GRIN2A: variants seen among roughly 807,000 people sequenced by gnomAD.
GRIN2A encodes the protein glutamate ionotropic receptor NMDA type subunit 2A.
In GRIN2A, 22 loss-of-function variants were observed where a neutral mutation model predicts 113.4. That is an observed-to-expected ratio of 0.19 (90% CI 0.14 to 0.28). The LOEUF (loss-of-function observed/expected upper bound fraction) is 0.28. Among genes scored for constraint, GRIN2A ranks in the 10% least tolerant of loss-of-function variants. The probability of loss-of-function intolerance (pLI) is 1.00; values close to 1 mark genes in which losing one functional copy is unlikely to be tolerated. For synonymous variants in GRIN2A, 827 were observed against 738.4 expected (o/e 1.12, Z -1.94); for missense variants, 1,502 against 1,887.0 (o/e 0.80, Z 3.78).
At chr16:10,064,038 C>G (rs966188899) in intron 2 of GRIN2A, among the ~76,000 whole-genome samples, 3 of 152,114 alleles carry the variant, frequency 2.0e-5, no homozygotes, top group African/African-American at 7.2e-5. Context: ...CTGCTTTATT[C>G]GAATCATACT....
intron 11 of GRIN2A, among the ~76,000 whole-genome samples, chr16:9,796,620 TC>T (rs765231731): frequency 5.1e-4 from 78 of 152,320 alleles, no homozygotes; most frequent in Non-Finnish European, 1.0e-3. Context: ...AGCTAGGCGT[TC>T]CTTTCTGTGC....
intron 2 of GRIN2A, among the ~76,000 whole-genome samples, chr16:10,113,359 C>T (rs2142154941): frequency 6.6e-6 from 1 of 152,294 alleles, no homozygotes; most frequent in South Asian, 2.1e-4. Context: ...GGTCTCTGCC[C>T]CCTTCCCCGG....
At chr16:10,158,166 G>A (rs191664170) in intron 2 of GRIN2A, among the ~76,000 whole-genome samples, 4 of 152,016 alleles carry the variant, frequency 2.6e-5, no homozygotes, top group South Asian at 4.2e-4. Context: ...CAACACACCC[G>A]GCTAATTTTC....
At chr16:10,130,814 A>G (rs990708724) in intron 2 of GRIN2A, among the ~76,000 whole-genome samples, 1 of 152,216 alleles carries the variant, frequency 6.6e-6, no homozygotes, top group African/African-American at 2.4e-5. Context: ...GCAGGTCCCC[A>G]GGAAAGTAAA....
At chr16:10,076,720 A>C (rs187748955) in intron 2 of GRIN2A, among the ~76,000 whole-genome samples, 2 of 152,174 alleles carry the variant, frequency 1.3e-5, no homozygotes. Flanking sequence ...GCAGAAAGTA[A>C]ATATGGAAGA....
At chr16:10,096,169 T>G (rs2048285430) in intron 2 of GRIN2A, among the ~76,000 whole-genome samples, 1 of 152,228 alleles carries the variant, frequency 6.6e-6, no homozygotes, top group Non-Finnish European at 1.5e-5. Flanking sequence ...TCCATGTTTT[T>G]GTTTCTATGT....
intron 3 of GRIN2A, among the ~76,000 whole-genome samples, chr16:9,913,520 A>G (rs1003872038): frequency 6.6e-6 from 1 of 152,190 alleles, no homozygotes; most frequent in Non-Finnish European, 1.5e-5. Flanking sequence ...AATAATTAAT[A>G]ATAATATTAA....
At chr16:9,981,115 G>C (rs1252487159) in intron 2 of GRIN2A, among the ~76,000 whole-genome samples, 4 of 151,522 alleles carry the variant, frequency 2.6e-5, no homozygotes, top group Non-Finnish European at 5.9e-5. Context: ...CTGGGCTAAA[G>C]GTGCTAAAGA....
intron 10 of GRIN2A, among the ~76,000 whole-genome samples, chr16:9,817,047 C>T (rs1401555011): frequency 1.3e-5 from 2 of 152,112 alleles, no homozygotes; most frequent in African/African-American, 4.8e-5. Flanking sequence ...TTCTTTATCT[C>T]CATTTATTAT....
intron 2 of GRIN2A, among the ~76,000 whole-genome samples, chr16:10,169,485 C>T: frequency 6.6e-6 from 1 of 152,312 alleles, no homozygotes; most frequent in South Asian, 2.1e-4. Context: ...AGGAAGTCTA[C>T]TCCAATGAAA....
At chr16:10,087,893 G>A (rs73510700) in intron 2 of GRIN2A, among the ~76,000 whole-genome samples, 2,877 of 32,250 alleles carry the variant, frequency 0.089, 97 homozygotes, top group African/African-American at 0.14. Context: ...GTTTCACCAC[G>A]TTGCCCAGGC....
At chr16:10,132,961 A>G (rs1346011195) in intron 2 of GRIN2A, among the ~76,000 whole-genome samples, 1 of 152,118 alleles carries the variant, frequency 6.6e-6, no homozygotes, top group Non-Finnish European at 1.5e-5. Flanking sequence ...CAGTTTGTAG[A>G]GTCTGCCCAC....
At chr16:10,018,413 T>C (rs1283228526) in intron 2 of GRIN2A, among the ~76,000 whole-genome samples, 2 of 152,084 alleles carry the variant, frequency 1.3e-5, no homozygotes, top group South Asian at 2.1e-4. Flanking sequence ...CCACTGCAGT[T>C]GATGTGACAG....
At chr16:9,934,943 G>A (rs571558080) in intron 3 of GRIN2A, among the ~76,000 whole-genome samples, 23 of 151,972 alleles carry the variant, frequency 1.5e-4, no homozygotes, top group East Asian at 5.8e-4. Flanking sequence ...AGTGGATGGC[G>A]ACTTACCACG....
At chr16:9,915,033 T>G (rs986159522) in intron 3 of GRIN2A, among the ~76,000 whole-genome samples, 1 of 141,970 alleles carries the variant, frequency 7.0e-6, no homozygotes, top group Non-Finnish European at 1.5e-5. Context: ...GCCTCCCGGG[T>G]TCACGCCATT....
At chr16:9,867,218 C>A (rs1220326808) in intron 4 of GRIN2A, among the ~76,000 whole-genome samples, 1 of 152,162 alleles carries the variant, frequency 6.6e-6, no homozygotes, top group African/African-American at 2.4e-5. Flanking sequence ...TGGAGAATAT[C>A]ATATAACCAC....
chr16:9,850,031 C>T (rs947600725), intron 4 of GRIN2A, 70 bp from the exon 5 acceptor site: 2 of 1,322,642 alleles, frequency 1.5e-6, no homozygotes, highest in African/African-American at 1.4e-5. Context: ...CAAATCCTTT[C>T]CCTGCCAGAG....
At chr16:9,887,118 C>T (rs2043600347) in intron 4 of GRIN2A, among the ~76,000 whole-genome samples, 1 of 152,126 alleles carries the variant, frequency 6.6e-6, no homozygotes, top group South Asian at 2.1e-4. Context: ...AACTCCTGAG[C>T]TCAGGCAATC....
intron 11 of GRIN2A, among the ~76,000 whole-genome samples, chr16:9,785,320 T>G (rs1192507673): frequency 6.6e-6 from 1 of 151,832 alleles, no homozygotes; most frequent in African/African-American, 2.4e-5. Flanking sequence ...ACCATCATTC[T>G]CAGCAAACTA....
Sources: allele counts gnomAD v4.1 joint callset (sites outside exome capture counted in the v4.1 genomes callset), GRCh38; gene constraint gnomAD v4.1.1; transcripts MANE v1.5; gene names NCBI Gene and HGNC (gene_info 2026-07-23, HGNC 2026-07-21).